The following ST3GAL3 variants were observed in gnomAD, a reference collection of about 807,000 sequenced individuals.
ST3GAL3 encodes the protein CMP-N-acetylneuraminate-beta-1,4-galactoside alpha-2,3-sialyltransferase.
Under a neutral mutation model 50.1 loss-of-function variants are expected in ST3GAL3, and 21 were observed. That is an observed-to-expected ratio of 0.42 (90% CI 0.30 to 0.60). ST3GAL3 has a LOEUF of 0.60. Ranked by LOEUF, ST3GAL3 falls within the 20% of genes least tolerant of loss-of-function variation. ST3GAL3 has a pLI of 0.19. For missense variants in ST3GAL3, 353 were observed against 489.4 expected (o/e 0.72, Z 2.63); for synonymous variants, 183 against 190.0 (o/e 0.96, Z 0.30).
chr1:43,824,265 C>G (rs2062475599), intron 4 of ST3GAL3, among the ~76,000 whole-genome samples: 1 of 151,870 alleles, frequency 6.6e-6, no homozygotes, highest in African/African-American at 2.4e-5. Flanking sequence ...CTTCCTTTAT[C>G]TAACCCTGAC....
At chr1:43,905,282 T>G (rs1473180256) in intron 9 of ST3GAL3, among the ~76,000 whole-genome samples, 1 of 85,084 alleles carries the variant, frequency 1.2e-5, no homozygotes, top group Non-Finnish European at 2.2e-5. Context: ...CTTCCTCTCC[T>G]GCCTCCTTCT....
chr1:43,758,167 C>G (rs1260402911), intron 2 of ST3GAL3, among the ~76,000 whole-genome samples: 1 of 138,912 alleles, frequency 7.2e-6, no homozygotes, highest in East Asian at 2.5e-4. Flanking sequence ...ATACCACCCC[C>G]CCCCCCAAAA....
chr1:43,875,941 C>CTTA (rs1219283844), intron 5 of ST3GAL3, among the ~76,000 whole-genome samples: 15 of 45,746 alleles, frequency 3.3e-4, no homozygotes, highest in East Asian at 1.3e-3. Flanking sequence ...TCTTCTTCTT[C>CTTA]TTCTTCTTCT....
intron 2 of ST3GAL3, among the ~76,000 whole-genome samples, chr1:43,748,423 A>ATTTTTTTTTTTTTTTTTTTTTTTTTTTT (rs1215322512): frequency 1.8e-5 from 2 of 111,140 alleles, no homozygotes; most frequent in Non-Finnish European, 3.6e-5. Context: ...AACAGCCCCC[A>ATTTTTTTTTTTTTTTTTTTTTTTTTTTT]TTTTTTTTTT....
Position 43,838,244 on chromosome 1 carries a change from G to A in ST3GAL3, c.235G>A (p.Ala79Thr), listed in dbSNP as rs778068441. The A allele has an allele frequency of 1.2e-5, 20 of 1,610,730 alleles. No homozygotes were observed. The highest frequency in any genetic ancestry group is 1.6e-5 in the Non-Finnish European group (19 of 1,178,026). ...KLPAELATKY[A>T]NFSEGACKPG... ...GCCTGCTGAATTAGCCACCAAGTAC[G>A]CAAACTTTTCAGAGGGAGCTTGCAA... The change falls in exon 5 of 12, where the codon GCA (alanine) becomes ACA (threonine). Residue 79 changes from alanine to threonine, a missense_variant. Physicochemically the swap from Ala to Thr is moderately conservative, Grantham distance 58. Transcript: ENST00000347631.
At chr1:43,876,508 G>T (rs975663236) in intron 5 of ST3GAL3, among the ~76,000 whole-genome samples, 1 of 152,198 alleles carries the variant, frequency 6.6e-6, no homozygotes, top group Non-Finnish European at 1.5e-5. Flanking sequence ...AGAGGCCATC[G>T]TAAGGTACTG....
chr1:43,785,235 G>A (rs1011615436), intron 2 of ST3GAL3, among the ~76,000 whole-genome samples: 3 of 152,146 alleles, frequency 2.0e-5, no homozygotes, highest in African/African-American at 4.8e-5. Context: ...CCAAGTTAAG[G>A]GCTCTTTCAT....
At chr1:43,902,607 G>A (rs866769890) in intron 9 of ST3GAL3, among the ~76,000 whole-genome samples, 2 of 152,208 alleles carry the variant, frequency 1.3e-5, no homozygotes, top group African/African-American at 2.4e-5. Flanking sequence ...CCCAGGAGCC[G>A]TGGCCAAGCC....
chr1:43,797,952 A>C (rs1314534334), intron 3 of ST3GAL3, among the ~76,000 whole-genome samples: 1 of 152,206 alleles, frequency 6.6e-6, no homozygotes, highest in Non-Finnish European at 1.5e-5. Context: ...TGAGCAGTTG[A>C]AAACCAAAAT....
Position 43,851,354 on chromosome 1 carries a change from G to A in ST3GAL3, c.302+13043G>A, listed in dbSNP as rs548121270. On this transcript the variant is annotated intron_variant, in intron 5 of 11. Transcript: ENST00000347631. ...GCACCCATGGGTTTCCACCAGGGCA[G>A]TTACACTCAAAGTTTGCAGGGGAGC... The A allele has an allele frequency of 1.2e-5, 19 of 1,567,936 alleles. No individual in the cohort carries two copies. In the African/African-American group the frequency reaches 2.4e-4, roughly 20 times the overall value.
intron 4 of ST3GAL3, among the ~76,000 whole-genome samples, chr1:43,824,403 G>A (rs1267080927): frequency 6.6e-6 from 1 of 151,952 alleles, no homozygotes; most frequent in Admixed American, 6.6e-5. Context: ...TGTGTGGTGG[G>A]AGGGATACTT....
intron 4 of ST3GAL3, among the ~76,000 whole-genome samples, chr1:43,829,575 G>A (rs941969378): frequency 1.3e-5 from 2 of 152,118 alleles, no homozygotes; most frequent in African/African-American, 4.8e-5. Context: ...ACCATGCTGT[G>A]GTCTCACAGG....
chr1:43,814,925 C>A lies in ST3GAL3; in HGVS notation c.201C>A (p.Asp67Glu). Residue 67 changes from aspartate to glutamate, a missense_variant, in exon 4 of 12, where the codon GAC becomes GAA. Physicochemically the swap from Asp to Glu is conservative, Grantham distance 45. Coordinates refer to ENST00000347631, the MANE Select transcript of ST3GAL3 (RefSeq NM_006279.5). ...YDRLGFLLNL[D>E]SKLPAELATK... is the part of the protein sequence containing the mutation. ...GGTTGGGCTTCCTCCTGAATCTGGA[C>A]TCTAAACTGTGAGTAGAATGAGAAG... 1 of 1,614,098 alleles carries A rather than the reference C, an allele frequency of 6.2e-7. No individual in the cohort carries two copies. The highest frequency in any genetic ancestry group is 8.5e-7 in the Non-Finnish European group (1 of 1,179,998).
At position 43,865,476 on chromosome 1, in the gene ST3GAL3, C is replaced by T. The variant is rs538563883; in HGVS notation, c.302+27165C>T. Among the ~76,000 whole-genome samples, 7 of 152,286 alleles carry T rather than the reference C, an allele frequency of 4.6e-5. No homozygotes were observed. In the South Asian group the frequency reaches 1.5e-3, roughly 32 times the overall value. On this transcript the variant is annotated intron_variant, in intron 5 of 11. Transcript: ENST00000347631. Reference sequence around the variant, plus strand: ...TGTTTACTTAAACTTCCTTCCCTCCCCTTCCTCTATTATTAATTTTATAAG... The same window carrying T: ...TGTTTACTTAAACTTCCTTCCCTCCTCTTCCTCTATTATTAATTTTATAAG...
Position 43,898,463 on chromosome 1 carries a change from C to T in ST3GAL3, c.461+165C>T, listed in dbSNP as rs138921325. 3.0e-3 allele frequency: 2,200 copies of T among 724,210 alleles called. 6 individuals carry two copies. Among genetic ancestry groups the T allele is most frequent in the Non-Finnish European group, 4.6e-3 (1,877 of 409,196 alleles). The allele number at this position is 724,210 out of a possible 1,614,324, so 44.9% of individuals were successfully genotyped here. ...GGTGGAGCAGGTAAGTGGAACCACT[C>T]CACCTGACTTGCACCCCCACGGGCT... On this transcript the variant is annotated intron_variant, in intron 7 of 11. Coordinates refer to ENST00000347631, the MANE Select transcript of ST3GAL3 (RefSeq NM_006279.5).
rs1410850673 is a variant in ST3GAL3, at chr1:43,765,778, T to C, written c.119-26324T>C. Among the ~76,000 whole-genome samples, 492 of 137,032 alleles carry C rather than the reference T, an allele frequency of 3.6e-3. 1 individual carries two copies. Among genetic ancestry groups the C allele is most frequent in the Non-Finnish European group, 5.8e-3 (368 of 63,274 alleles). The allele number at this position is 137,032 out of a possible 152,430, so 89.9% of individuals were successfully genotyped here. A position where few individuals can be genotyped will look rare whatever the true frequency, so the allele number is the denominator to read the frequency against. ...CTGTGTGTGTGTGTGTGTGTGTGTG[T>C]GTGTGTGCGCGCGCGCGCGCGCGTC... On this transcript the variant is annotated intron_variant, in intron 2 of 11. Transcript: ENST00000347631.
intron 2 of ST3GAL3, among the ~76,000 whole-genome samples, chr1:43,747,013 G>A (rs1022900653): frequency 5.3e-5 from 8 of 151,598 alleles, no homozygotes; most frequent in African/African-American, 1.9e-4. Context: ...TGATCCACCT[G>A]CCTCAGCCTC....
At chr1:43,749,762 G>A (rs183494467) in intron 2 of ST3GAL3, among the ~76,000 whole-genome samples, 91 of 152,298 alleles carry the variant, frequency 6.0e-4, no homozygotes, top group Admixed American at 2.6e-3. Flanking sequence ...GACCCTTTGG[G>A]AAGTGATTGG....
intron 2 of ST3GAL3, among the ~76,000 whole-genome samples, chr1:43,787,797 G>A (rs137967713): frequency 2.6e-4 from 40 of 152,326 alleles, no homozygotes; most frequent in African/African-American, 7.0e-4. Flanking sequence ...GGGGCCTGGC[G>A]TGTAATAGCC....
Sources: gnomAD v4.1 joint callset for allele counts (sites outside exome capture counted in the v4.1 genomes callset) on GRCh38, gnomAD v4.1.1 for gene constraint, MANE v1.5 for transcripts, NCBI Gene and HGNC (gene_info 2026-07-23, HGNC 2026-07-21) for gene names.